ATP9B: variants seen among roughly 807,000 people sequenced by gnomAD.
The protein encoded by ATP9B is probable phospholipid-transporting ATPase IIB.
Under a neutral mutation model 146.1 loss-of-function variants are expected in ATP9B, and 110 were observed. That is an observed-to-expected ratio of 0.75 (90% CI 0.65 to 0.88). The LOEUF (loss-of-function observed/expected upper bound fraction) is 0.88. ATP9B is among the 40% of genes least tolerant of loss of function. The pLI is 0.00. For synonymous variants in ATP9B, 604 were observed against 569.7 expected, an observed-to-expected ratio of 1.06 and a Z score of -0.86; for missense variants, 1,499 against 1,496.4, an observed-to-expected ratio of 1.00 and a Z score of -0.03.
At chr18:79,368,685 C>T (rs1371138422) in intron 26 of ATP9B, among the ~76,000 whole-genome samples, 1 of 152,154 alleles carries the variant, frequency 6.6e-6, no homozygotes, top group Admixed American at 6.5e-5. Context: ...AAATCAGTCA[C>T]CGTAATTTCA....
At chr18:79,289,833 C>G (rs1288765522) in intron 13 of ATP9B, among the ~76,000 whole-genome samples, 1 of 152,230 alleles carries the variant, frequency 6.6e-6, no homozygotes, top group Non-Finnish European at 1.5e-5. Context: ...TTCTGACAGA[C>G]AGGACCCTCA....
chr18:79,340,399 GTTC>G (rs1165896632), intron 19 of ATP9B: 1 of 152,146 alleles, frequency 6.6e-6, no homozygotes, highest in African/African-American at 2.4e-5. Context: ...CGCAGTGCTA[GTTC>G]TTCTTCAACT....
intron 17 of ATP9B, among the ~76,000 whole-genome samples, chr18:79,332,192 G>A (rs975049447): frequency 6.6e-6 from 1 of 152,226 alleles, no homozygotes; most frequent in South Asian, 2.1e-4. Context: ...CACTTTGGGA[G>A]GCCAAGGCGG....
At position 79,231,803 on chromosome 18, in the gene ATP9B, T is replaced by TATATACACACAC. The variant is rs569726473; in HGVS notation, c.1107+17766_1107+17767insTATACACACACA. 1.8e-3 allele frequency among the ~76,000 whole-genome samples: 202 copies of TATATACACACAC among 114,748 alleles called. 3 individuals carry two copies. The highest frequency in any genetic ancestry group is 6.3e-3 in the African/African-American group (185 of 29,516). 75.3% of individuals were successfully genotyped at this position (114,748 alleles called of 152,430 possible). ...GTATATATATATATATATATATATA[T>TATATACACACAC]ACACACACACACCATGGAATACTGC... On this transcript the variant is annotated intron_variant, in intron 11 of 29. Coordinates refer to ENST00000426216, the MANE Select transcript of ATP9B (RefSeq NM_198531.5).
intron 4 of ATP9B, among the ~76,000 whole-genome samples, chr18:79,113,827 T>G (rs2094015621): frequency 6.6e-6 from 1 of 152,230 alleles, no homozygotes; most frequent in Non-Finnish European, 1.5e-5. Flanking sequence ...GCAATGATGC[T>G]TATCAATGAA....
At chr18:79,145,253 A>G (rs868780262) in intron 6 of ATP9B, 125 of 104,792 alleles carry the variant, frequency 1.2e-3, no homozygotes, top group South Asian at 3.6e-3. Context: ...TGAAGGTGCA[A>G]GCTGCATGTC....
At chr18:79,319,064 G>A (rs1417910387) in intron 15 of ATP9B, among the ~76,000 whole-genome samples, 1 of 152,100 alleles carries the variant, frequency 6.6e-6, no homozygotes, top group Non-Finnish European at 1.5e-5. Flanking sequence ...CCAGCATCTC[G>A]GCCACCCATT....
intron 3 of ATP9B, among the ~76,000 whole-genome samples, chr18:79,112,943 G>A (rs1030575889): frequency 1.3e-5 from 2 of 151,870 alleles, no homozygotes; most frequent in Non-Finnish European, 2.9e-5. Flanking sequence ...ATGGAAAACT[G>A]GAAAATTTCA....
chr18:79,337,325 A>G lies in ATP9B; in HGVS notation c.2159A>G (p.Lys720Arg), dbSNP rs200452568. The change falls in exon 19 of 30, where the codon AAG becomes AGG. Residue 720 changes from lysine to arginine, a missense_variant. Lys to Arg is a conservative substitution (Grantham distance 26). Coordinates refer to ENST00000426216, the MANE Select transcript of ATP9B (RefSeq NM_198531.5). Reference protein sequence around the residue: ...AKLSMHDRSLKVAAVVESLER... With the variant: ...AKLSMHDRSLRVAAVVESLER... Reference sequence around the variant, plus strand: ...CTGAGCATGCACGACAGGTCCCTCAAGGTGGCCGCGGTAGTCGAGAGCCTG... The same window carrying G: ...CTGAGCATGCACGACAGGTCCCTCAGGGTGGCCGCGGTAGTCGAGAGCCTG... 5.6e-6 allele frequency: 9 copies of G among 1,614,126 alleles called. No individual in the cohort carries two copies. In the East Asian group the frequency reaches 2.0e-4, roughly 36 times the overall value.
chr18:79,193,252 A>G lies in ATP9B; in HGVS notation c.943A>G (p.Thr315Ala), dbSNP rs1568372443. The G allele has an allele frequency of 2.5e-6, 4 of 1,607,764 alleles. No homozygotes were observed. The highest frequency in any genetic ancestry group is 3.4e-6 in the Non-Finnish European group (4 of 1,174,306). ...AATGGACATTCACAGTTTCGAAGGC[A>G]CATTTACCAGGGTAAGTTAAACCTG... ...PQMDIHSFEG[T>A]FTREDSDPPI... The change falls in exon 9 of 30, where the codon ACA (threonine) becomes GCA (alanine). Residue 315 changes from threonine to alanine, a missense_variant. Thr to Ala is a moderately conservative substitution (Grantham distance 58). Transcript: ENST00000426216.
intron 26 of ATP9B, chr18:79,362,366 TAAAC>T (rs1459060613): frequency 6.6e-6 from 1 of 152,224 alleles, no homozygotes; most frequent in Admixed American, 6.5e-5. Context: ...AAGTATTTGA[TAAAC>T]AAATGAGGCA....
chr18:79,082,170 T>G (rs2073337393), intron 1 of ATP9B, among the ~76,000 whole-genome samples: 1 of 152,244 alleles, frequency 6.6e-6, no homozygotes, highest in African/African-American at 2.4e-5. Context: ...CTTCAATCTC[T>G]GATATAATTT....
At chr18:79,235,198 G>T (rs1267091583) in intron 11 of ATP9B, among the ~76,000 whole-genome samples, 1 of 152,112 alleles carries the variant, frequency 6.6e-6, no homozygotes, top group African/African-American at 2.4e-5. Context: ...AACTTCATCA[G>T]TCTCTCATTT....
intron 1 of ATP9B, among the ~76,000 whole-genome samples, chr18:79,071,075 T>C (rs2071704606): frequency 6.7e-6 from 1 of 150,312 alleles, no homozygotes; most frequent in African/African-American, 2.4e-5. Context: ...TTGCCACTTT[T>C]TGGGTTACTT....
intron 25 of ATP9B, among the ~76,000 whole-genome samples, 179 bp downstream of exon 25, chr18:79,348,375 C>T (rs1192574051): frequency 1.3e-5 from 2 of 152,050 alleles, no homozygotes; most frequent in African/African-American, 2.4e-5. Flanking sequence ...AGCACCTGCA[C>T]ACTTGTTCCT....
At chr18:79,376,343 T>C (rs986986710) in intron 29 of ATP9B, 21 of 985,282 alleles carry the variant, frequency 2.1e-5, no homozygotes, top group Non-Finnish European at 2.4e-5. Flanking sequence ...CACAGAGTGT[T>C]GTCCACCCAT....
chr18:79,159,063 C>T (rs941196087), intron 7 of ATP9B, among the ~76,000 whole-genome samples: 3 of 152,162 alleles, frequency 2.0e-5, no homozygotes, highest in Admixed American at 1.3e-4. Context: ...AAACTGTCTT[C>T]AGCCATGCAC....
intron 13 of ATP9B, among the ~76,000 whole-genome samples, chr18:79,285,253 C>G (rs950592106): frequency 1.3e-5 from 2 of 151,684 alleles, no homozygotes; most frequent in African/African-American, 4.9e-5. Flanking sequence ...TAAAAGTGTT[C>G]CTATTTCTCC....
chr18:79,177,496 G>A (rs1375726036), intron 8 of ATP9B, among the ~76,000 whole-genome samples: 2 of 151,956 alleles, frequency 1.3e-5, no homozygotes, highest in African/African-American at 4.8e-5. Flanking sequence ...TCTCTCCTTG[G>A]TCTTTCAAAG....
Sources: gnomAD v4.1 joint callset for allele counts (sites outside exome capture counted in the v4.1 genomes callset) on GRCh38, gnomAD v4.1.1 for gene constraint, MANE v1.5 for transcripts, NCBI Gene and HGNC (gene_info 2026-07-23, HGNC 2026-07-21) for gene names.